The following NFILZ variants were observed in gnomAD, a reference collection of about 807,000 sequenced individuals.
NFILZ encodes NFIL3 like basic leucine zipper.
rs2146177749 is a variant in NFILZ, at chr19:8,678,168, TC to T, written c.*535del. ...ACTTGTCCGTCCATCCATCCATCCATCCATCCATCCATCCATCCATCCGTCC... is the reference window on the plus strand; with the variant it reads ...ACTTGTCCGTCCATCCATCCATCCATCATCCATCCATCCATCCATCCGTCC... On this transcript the variant is annotated 3_prime_UTR_variant, in exon 6 of 6. Coordinates refer to ENST00000691075, the MANE Select transcript of NFILZ (RefSeq NM_001378600.1). 2.1e-4 allele frequency among the ~76,000 whole-genome samples: 7 copies of T among 32,716 alleles called. No individual in the cohort carries two copies. Among genetic ancestry groups the T allele is most frequent in the Admixed American group, 3.5e-4 (1 of 2,846 alleles). 21.5% of individuals were successfully genotyped at this position (32,716 alleles called of 152,430 possible).
intron 3 of NFILZ, among the ~76,000 whole-genome samples, chr19:8,672,606 C>G (rs2043093421): frequency 7.1e-6 from 1 of 140,736 alleles, no homozygotes; most frequent in African/African-American, 2.7e-5. Flanking sequence ...TCAAAAAAAT[C>G]CATGCATTTA....
chr19:8,675,121 G>C (rs1555750597), intron 4 of NFILZ, among the ~76,000 whole-genome samples: 1 of 152,138 alleles, frequency 6.6e-6, no homozygotes, highest in Non-Finnish European at 1.5e-5. Flanking sequence ...AGGTACCAGG[G>C]ATACAAGAGT....
intron 3 of NFILZ, among the ~76,000 whole-genome samples, chr19:8,659,481 G>T (rs2146158931): frequency 6.6e-6 from 1 of 152,150 alleles, no homozygotes; most frequent in Admixed American, 6.5e-5. Context: ...GCCCTGCGGT[G>T]ACTCCGAATG....
In NFILZ at chr19:8,656,352, TTCCCTGAAGCCCACCTTC is replaced by T. The variant is rs1361492138; in HGVS notation, c.-163-18176_-163-18159del. On this transcript the variant is annotated intron_variant, in intron 3 of 5. Transcript: ENST00000691075. ...CCCCCTTCTTCCTGAAGCCCACCTCTTCCCTGAAGCCCACCTTCTCCCTGAAGCCCACCTTCTCCCGCA... is the reference window on the plus strand; with the variant it reads ...CCCCCTTCTTCCTGAAGCCCACCTCTTCCCTGAAGCCCACCTTCTCCCGCA... Among the ~76,000 whole-genome samples the T allele has an allele frequency of 5.3e-3, 153 of 28,696 alleles. 3 individuals are homozygous for T. Among genetic ancestry groups the T allele is most frequent in the East Asian group, 9.8e-3 (6 of 614 alleles). The allele number at this position is 28,696 out of a possible 152,430, so 18.8% of individuals were successfully genotyped here.
intron 3 of NFILZ, among the ~76,000 whole-genome samples, chr19:8,641,456 T>A (rs532445763): frequency 1.3e-5 from 2 of 152,250 alleles, no homozygotes; most frequent in South Asian, 4.1e-4. Context: ...CCACCCCAAA[T>A]ATATTTACCC....
intron 3 of NFILZ, among the ~76,000 whole-genome samples, chr19:8,646,623 A>G (rs1429534988): frequency 1.3e-5 from 2 of 152,160 alleles, no homozygotes; most frequent in Non-Finnish European, 1.5e-5. Flanking sequence ...GTTAAAGACC[A>G]CAATCCCCAC....
intron 3 of NFILZ, among the ~76,000 whole-genome samples, chr19:8,644,107 G>T (rs953398297): frequency 5.9e-5 from 9 of 152,072 alleles, no homozygotes; most frequent in Admixed American, 1.3e-4. Context: ...TTGATTGATT[G>T]ATTGATTAAT....
At chr19:8,645,685 A>C (rs2042936286) in intron 3 of NFILZ, among the ~76,000 whole-genome samples, 1 of 152,104 alleles carries the variant, frequency 6.6e-6, no homozygotes. Flanking sequence ...TGTGGGTAGG[A>C]GAATGGGAGA....
intron 2 of NFILZ, among the ~76,000 whole-genome samples, chr19:8,633,877 C>CTCTT (rs2042881360): frequency 1.2e-5 from 1 of 84,462 alleles, no homozygotes; most frequent in African/African-American, 4.9e-5. Context: ...TAACTTTTCT[C>CTCTT]CCTTCCTTCC....
intron 3 of NFILZ, among the ~76,000 whole-genome samples, chr19:8,671,269 C>T (rs1291767915): frequency 6.6e-6 from 1 of 152,088 alleles, no homozygotes; most frequent in South Asian, 2.1e-4. Flanking sequence ...CTGCCTGTCT[C>T]GCCACCCTCC....
At chr19:8,659,483 C>T (rs782796276) in intron 3 of NFILZ, among the ~76,000 whole-genome samples, 1 of 151,564 alleles carries the variant, frequency 6.6e-6, no homozygotes, top group Non-Finnish European at 1.5e-5. Flanking sequence ...CCTGCGGTGA[C>T]TCCGAATGGT....
At chr19:8,660,562 TC>T (rs2043024986) in intron 3 of NFILZ, among the ~76,000 whole-genome samples, 1 of 129,526 alleles carries the variant, frequency 7.7e-6, no homozygotes. Flanking sequence ...TCTCCTTCCT[TC>T]CTTCCTCCCC....
At chr19:8,659,712 T>C (rs2043021028) in intron 3 of NFILZ, among the ~76,000 whole-genome samples, 1 of 152,186 alleles carries the variant, frequency 6.6e-6, no homozygotes, top group African/African-American at 2.4e-5. Context: ...AGTTGGATGA[T>C]GCCAACGGGT....
chr19:8,656,104 G>A (rs556571196), intron 3 of NFILZ, among the ~76,000 whole-genome samples: 1 of 146,028 alleles, frequency 6.8e-6, no homozygotes, highest in African/African-American at 2.5e-5. Context: ...CCAGGAAGGA[G>A]GAGGGAGCAC....
intron 3 of NFILZ, among the ~76,000 whole-genome samples, chr19:8,656,239 CTGCCTTCTCCA>C: frequency 6.7e-6 from 1 of 148,618 alleles, no homozygotes; most frequent in Non-Finnish European, 1.5e-5. Flanking sequence ...AGAAACCCTC[CTGCCTTCTCCA>C]CGCAGCCCAT....
At chr19:8,660,237 G>A (rs1248670446) in intron 3 of NFILZ, among the ~76,000 whole-genome samples, 3 of 152,146 alleles carry the variant, frequency 2.0e-5, no homozygotes, top group Admixed American at 1.3e-4. Context: ...AAAGAGATGT[G>A]GAGTCTCCCA....
At chr19:8,636,007 T>C (rs2042892588) in intron 3 of NFILZ, among the ~76,000 whole-genome samples, 1 of 151,928 alleles carries the variant, frequency 6.6e-6, no homozygotes, top group Non-Finnish European at 1.5e-5. Context: ...CAGCTGATTT[T>C]TGTATTTTTA....
At chr19:8,652,269 A>AT (rs1358518668) in intron 3 of NFILZ, among the ~76,000 whole-genome samples, 2 of 151,944 alleles carry the variant, frequency 1.3e-5, no homozygotes, top group African/African-American at 4.8e-5. Context: ...CACCCGGCTA[A>AT]TTTTTTTGTA....
At chr19:8,657,570 C>T (rs1039191703) in intron 3 of NFILZ, among the ~76,000 whole-genome samples, 1 of 152,056 alleles carries the variant, frequency 6.6e-6, no homozygotes, top group African/African-American at 2.4e-5. Flanking sequence ...CAGCTGTTGT[C>T]TGCTGGAGTC....
Sources: gnomAD v4.1 joint callset for allele counts (sites outside exome capture counted in the v4.1 genomes callset) on GRCh38, gnomAD v4.1.1 for gene constraint, MANE v1.5 for transcripts, NCBI Gene and HGNC (gene_info 2026-07-23, HGNC 2026-07-21) for gene names.